BSCL2: variants seen among roughly 807,000 people sequenced by gnomAD.
BSCL2 encodes seipin.
In BSCL2, 41 loss-of-function variants were observed where a neutral mutation model predicts 57.4. The ratio of observed to expected loss-of-function variants is 0.71; its 90% CI spans 0.56 to 0.93. The LOEUF is 0.93. Among genes scored for constraint, BSCL2 ranks in the 40% least tolerant of loss-of-function variants. The probability of loss-of-function intolerance (pLI) is 0.00; values close to 1 mark genes in which losing one functional copy is unlikely to be tolerated. For missense variants in BSCL2, 539 were observed against 586.7 expected, an observed-to-expected ratio of 0.92 and a Z score of 0.84; for synonymous variants, 237 against 227.3, an observed-to-expected ratio of 1.04 and a Z score of -0.38.
intron 3 of BSCL2, among the ~76,000 whole-genome samples, chr11:62,700,306 T>C: frequency 6.6e-6 from 1 of 152,012 alleles, no homozygotes. Flanking sequence ...AAGTGTGACA[T>C]TCTATCATTA....
intron 1 of BSCL2, 30 bp from the exon 2 acceptor site, chr11:62,705,647 A>G: frequency 6.8e-7 from 1 of 1,474,530 alleles, no homozygotes; most frequent in South Asian, 1.4e-5. Context: ...GAAAAGAGTG[A>G]CTCCTTTCCC....
upstream of BSCL2, chr11:62,709,418 A>G (rs145295681): frequency 2.0e-4 from 89 of 453,636 alleles, 1 homozygote; most frequent in African/African-American, 1.3e-3. Flanking sequence ...ACACACACAA[A>G]CGTGCAACGA....
At chr11:62,706,330 C>T (rs1403027658) in intron 1 of BSCL2, 3 of 1,126,942 alleles carry the variant, frequency 2.7e-6, no homozygotes, top group Non-Finnish European at 3.3e-6. Flanking sequence ...CCCCTCTCCG[C>T]CGGCCGCTTT....
At chr11:62,701,843 A>AAG (rs1554984856) in intron 3 of BSCL2, among the ~76,000 whole-genome samples, 25 of 151,742 alleles carry the variant, frequency 1.6e-4, no homozygotes, top group Admixed American at 6.6e-4. Context: ...AAAAAAAAAA[A>AAG]AAAGAAAGAG....
chr11:62,694,459 C>T, intron 4 of BSCL2, 109 bp downstream of exon 4: 2 of 1,528,964 alleles, frequency 1.3e-6, no homozygotes, highest in Non-Finnish European at 1.8e-6. Context: ...CCTGCCTCGG[C>T]CTCCCAAACT....
intron 3 of BSCL2, among the ~76,000 whole-genome samples, chr11:62,697,210 C>G (rs375061021): frequency 6.7e-6 from 1 of 148,922 alleles, no homozygotes; most frequent in Non-Finnish European, 1.5e-5. Flanking sequence ...CTGGCTAACA[C>G]GGTGAAACCC....
chr11:62,706,757 C>T (rs751144155), intron 1 of BSCL2: 1 of 530,814 alleles, frequency 1.9e-6, no homozygotes, highest in South Asian at 1.5e-5. Context: ...TTTGCGGCAA[C>T]CTGGGCCTCT....
intron 3 of BSCL2, among the ~76,000 whole-genome samples, chr11:62,698,601 C>T (rs1945545391): frequency 6.6e-6 from 1 of 152,250 alleles, no homozygotes; most frequent in South Asian, 2.1e-4. Flanking sequence ...ACCACATCTA[C>T]TTATAGCAAG....
intron 2 of BSCL2, among the ~76,000 whole-genome samples, chr11:62,704,921 A>T (rs1345007463): frequency 6.6e-6 from 1 of 152,196 alleles, no homozygotes; most frequent in Non-Finnish European, 1.5e-5. Context: ...TGTAAAAAGC[A>T]AACTGCTGCT....
rs115756273 is a variant in BSCL2 at position 62,694,731 on chromosome 11, T to C, written c.487-20A>G. 3 of 1,612,578 alleles carry C rather than the reference T, an allele frequency of 1.9e-6. No individual in the cohort carries two copies. Among genetic ancestry groups the C allele is most frequent in the Non-Finnish European group, 2.5e-6 (3 of 1,179,318 alleles). On this transcript the variant is annotated intron_variant, in intron 3 of 10. Transcript: ENST00000360796. ...CAGCACCTGCCAAAGGTAGCCCCCATTTCTTTAAAAAAATTTTTTTGTTGA... is the reference window on the plus strand; with the variant it reads ...CAGCACCTGCCAAAGGTAGCCCCCACTTCTTTAAAAAAATTTTTTTGTTGA...
Position 62,690,351 on chromosome 11 carries a change from A to G in BSCL2, c.*16T>C. On this transcript the variant is annotated 3_prime_UTR_variant, in exon 11 of 11. Coordinates refer to ENST00000360796, the MANE Select transcript of BSCL2 (RefSeq NM_001122955.4). ...GGTGGGAAAGTGCTGGAATGTGAGG[A>G]GTCTGCCCCTTTTCTTCAGGAACTA... 6.2e-7 allele frequency: 1 copy of G among 1,613,816 alleles called. No individual in the cohort carries two copies. The highest frequency in any genetic ancestry group is 8.5e-7 in the Non-Finnish European group (1 of 1,180,016).
chr11:62,708,548 T>A (rs1554986367), upstream of BSCL2: 1 of 1,380,474 alleles, frequency 7.2e-7, no homozygotes, highest in Non-Finnish European at 1.0e-6. Context: ...CCCAGGCCTC[T>A]GGGGGGGATG....
In BSCL2 at chr11:62,702,488, T is replaced by C. The variant is rs137930278; in HGVS notation, c.466A>G (p.Thr156Ala). Residue 156 changes from threonine (T) to alanine (A), a missense_variant, in exon 3 of 11, where the codon ACT becomes GCT. Thr to Ala is a moderately conservative substitution (Grantham distance 58, BLOSUM62 0). This residue lies in a region of BSCL2 where 218 missense variants were observed against 224.8 expected (regional missense o/e 0.97). Transcript: ENST00000360796. The part of the protein sequence containing the change: ...CSFPVANVSL[T>A]KGGRDRVLMY... ...CTCACCCGATCACGTCCACCCTTAG[T>C]CAGCGAGACATTGGCAACAGGGAAG... 44 of 1,612,874 alleles carry C rather than the reference T, an allele frequency of 2.7e-5. No homozygotes were observed. The highest frequency in any genetic ancestry group is 3.7e-5 in the Non-Finnish European group (44 of 1,179,246).
At chr11:62,696,749 G>C (rs1945479159) in intron 3 of BSCL2, among the ~76,000 whole-genome samples, 2 of 152,008 alleles carry the variant, frequency 1.3e-5, no homozygotes, top group East Asian at 3.9e-4. Flanking sequence ...GTAGAGACGG[G>C]GTCTCATTAT....
At chr11:62,696,274 C>CTTTTTT (rs754106502) in intron 3 of BSCL2, among the ~76,000 whole-genome samples, 2 of 85,168 alleles carry the variant, frequency 2.3e-5, no homozygotes, top group Admixed American at 1.4e-4. Context: ...GCTTCATAAA[C>CTTTTTT]TTTTTGTGTG....
intron 4 of BSCL2, among the ~76,000 whole-genome samples, chr11:62,693,820 CTT>C (rs199512070): frequency 6.8e-6 from 1 of 146,436 alleles, no homozygotes; most frequent in African/African-American, 2.5e-5. Context: ...ATTCCTTTCT[CTT>C]TTTTTTTTTA....
chr11:62,706,740 G>T (rs779513460), intron 1 of BSCL2: 37 of 512,356 alleles, frequency 7.2e-5, no homozygotes, highest in Admixed American at 2.1e-4. Flanking sequence ...CCTAGAGCAT[G>T]TTGCAGTTTG....
At chr11:62,692,495 G>T in intron 5 of BSCL2, 22 bp from the exon 6 acceptor site, 1 of 1,612,852 alleles carries the variant, frequency 6.2e-7, no homozygotes. Context: ...TGGGGTGAGG[G>T]TGGCGTCAGG....
intron 3 of BSCL2, among the ~76,000 whole-genome samples, chr11:62,700,632 A>G (rs976387442): frequency 2.0e-5 from 3 of 151,096 alleles, no homozygotes; most frequent in African/African-American, 7.3e-5. Context: ...CAGGAAAGAA[A>G]CTCCGTCTCA....
Sources: allele counts gnomAD v4.1 joint callset (sites outside exome capture counted in the v4.1 genomes callset), GRCh38; gene constraint gnomAD v4.1.1; regional missense constraint gnomAD v4.1.1; transcripts MANE v1.5; gene names NCBI Gene and HGNC (gene_info 2026-07-23, HGNC 2026-07-21).